CADM2: variants seen among roughly 807,000 people sequenced by gnomAD.
CADM2 encodes the protein immunoglobulin superfamily member 4D.
Under a neutral mutation model 49.8 loss-of-function variants are expected in CADM2, and 12 were observed. The ratio of observed to expected loss-of-function variants is 0.24; its 90% CI spans 0.15 to 0.39. The LOEUF (loss-of-function observed/expected upper bound fraction) is 0.39, where lower values mean the gene tolerates loss of function less well. Among genes scored for constraint, CADM2 ranks in the 10% least tolerant of loss-of-function variants. The probability of loss-of-function intolerance (pLI) is 1.00; values close to 1 mark genes in which losing one functional copy is unlikely to be tolerated. For synonymous variants in CADM2, 214 were observed against 175.4 expected, an observed-to-expected ratio of 1.22 and a Z score of -1.74; for missense variants, 378 against 492.3, an observed-to-expected ratio of 0.77 and a Z score of 2.20.
chr3:85,476,452 G>C (rs956660085), intron 1 of CADM2, among the ~76,000 whole-genome samples: 1 of 151,814 alleles, frequency 6.6e-6, no homozygotes, highest in African/African-American at 2.4e-5. Context: ...ATATAGCAGA[G>C]TGGCAAAGAA....
chr3:85,923,997 G>T (rs1404088124), intron 6 of CADM2, among the ~76,000 whole-genome samples: 2 of 152,036 alleles, frequency 1.3e-5, no homozygotes, highest in Non-Finnish European at 2.9e-5. Flanking sequence ...GGGGATAATT[G>T]ATGAGTTAGT....
chr3:85,663,077 G>A (rs1051477386), intron 1 of CADM2, among the ~76,000 whole-genome samples: 5 of 152,008 alleles, frequency 3.3e-5, no homozygotes, highest in Non-Finnish European at 7.4e-5. Flanking sequence ...CGTAGTGGTA[G>A]GTGGTTCAAG....
At chr3:85,595,382 C>T (rs2063214571) in intron 1 of CADM2, among the ~76,000 whole-genome samples, 1 of 152,006 alleles carries the variant, frequency 6.6e-6, no homozygotes, top group Non-Finnish European at 1.5e-5. Context: ...GCTAGACTGG[C>T]AAAATATGCA....
At chr3:85,594,137 A>G (rs1431506396) in intron 1 of CADM2, among the ~76,000 whole-genome samples, 2 of 151,934 alleles carry the variant, frequency 1.3e-5, no homozygotes, top group African/African-American at 4.8e-5. Flanking sequence ...TTAAAATTAT[A>G]ATCTTTGAAA....
At chr3:85,069,211 A>G (rs1412291912) in intron 1 of CADM2, among the ~76,000 whole-genome samples, 2 of 152,066 alleles carry the variant, frequency 1.3e-5, no homozygotes, top group Non-Finnish European at 2.9e-5. Flanking sequence ...TGATACTGTA[A>G]ATTTAAAGTT....
intron 1 of CADM2, among the ~76,000 whole-genome samples, chr3:85,402,680 G>C (rs1484883964): frequency 5.3e-5 from 8 of 152,108 alleles, no homozygotes; most frequent in Admixed American, 5.2e-4. Flanking sequence ...GGTCACCAGA[G>C]GTCCTCCTCA....
At chr3:85,381,211 AC>A (rs2033885846) in intron 1 of CADM2, among the ~76,000 whole-genome samples, 1 of 152,008 alleles carries the variant, frequency 6.6e-6, no homozygotes, top group Non-Finnish European at 1.5e-5. Context: ...CCGTAGTAAC[AC>A]ATTCTGCAGG....
At chr3:85,098,021 G>C (rs193171037) in intron 1 of CADM2, among the ~76,000 whole-genome samples, 136 of 152,232 alleles carry the variant, frequency 8.9e-4, no homozygotes, top group Non-Finnish European at 1.6e-3. Context: ...TAAATAATTA[G>C]AGAATGAATT....
At chr3:86,063,272 G>A (rs542916969) in intron 8 of CADM2, among the ~76,000 whole-genome samples, 11 of 152,206 alleles carry the variant, frequency 7.2e-5, no homozygotes, top group African/African-American at 1.4e-4. Context: ...CCTCTCCATC[G>A]CATACACAAT....
chr3:85,654,119 T>C (rs780608238), intron 1 of CADM2, among the ~76,000 whole-genome samples: 1 of 152,172 alleles, frequency 6.6e-6, no homozygotes, highest in Non-Finnish European at 1.5e-5. Flanking sequence ...AATTGATGAC[T>C]GGTTGACTAG....
intron 1 of CADM2, among the ~76,000 whole-genome samples, chr3:85,210,423 C>T (rs1204441204): frequency 6.6e-6 from 1 of 151,834 alleles, no homozygotes; most frequent in Non-Finnish European, 1.5e-5. Context: ...GGGATACTGG[C>T]CTGTAGTTTT....
chr3:85,609,946 AT>A (rs369963427), intron 1 of CADM2, among the ~76,000 whole-genome samples: 26 of 151,512 alleles, frequency 1.7e-4, no homozygotes, highest in East Asian at 5.8e-4. Flanking sequence ...GAGGCACTAC[AT>A]TTTTTTTTAA....
At chr3:85,953,959 G>GT (rs1272010270) in intron 7 of CADM2, among the ~76,000 whole-genome samples, 1 of 150,602 alleles carries the variant, frequency 6.6e-6, no homozygotes, top group East Asian at 2.0e-4. Flanking sequence ...CTGAAGTTTT[G>GT]TTTTTTTCTC....
intron 1 of CADM2, among the ~76,000 whole-genome samples, chr3:85,133,949 C>T (rs1173197713): frequency 6.6e-6 from 1 of 152,220 alleles, no homozygotes; most frequent in Non-Finnish European, 1.5e-5. Flanking sequence ...GCACAGGAGC[C>T]CACGGAGGGG....
chr3:85,969,416 A>C (rs1182139732), intron 8 of CADM2, among the ~76,000 whole-genome samples: 1 of 151,416 alleles, frequency 6.6e-6, no homozygotes, highest in African/African-American at 2.4e-5. Flanking sequence ...ATGCACAAGA[A>C]ATGCTGCCAG....
At position 85,148,653 on chromosome 3, in the gene CADM2, A is replaced by G. The variant is rs1185872039; in HGVS notation, c.61+188985A>G. 3.3e-5 allele frequency among the ~76,000 whole-genome samples: 5 copies of G among 152,270 alleles called. No individual in the cohort carries two copies. In the South Asian group the frequency reaches 8.3e-4, roughly 25 times the overall value. ...CTCTGTATAACTTTTGACTCACCCA[A>G]AGCTTAACTAGTAATAGCCTACTGT... On this transcript the variant is annotated intron_variant, in intron 1 of 9. Transcript: ENST00000383699.
intron 1 of CADM2, among the ~76,000 whole-genome samples, chr3:85,091,129 A>G (rs1024642453): frequency 1.3e-5 from 2 of 152,198 alleles, no homozygotes; most frequent in African/African-American, 4.8e-5. Flanking sequence ...TTAAAACATC[A>G]GTTTACAGCT....
chr3:85,784,408 A>AT (rs11380685), intron 2 of CADM2, among the ~76,000 whole-genome samples: 100,493 of 151,920 alleles, frequency 0.66, 33,709 homozygotes, highest in East Asian at 0.77. Flanking sequence ...TGCAGTTGAA[A>AT]TTTTTTAATG....
intron 1 of CADM2, among the ~76,000 whole-genome samples, chr3:85,100,160 GATTTCTTGT>G (rs938454061): frequency 6.6e-6 from 1 of 152,034 alleles, no homozygotes; most frequent in East Asian, 1.9e-4. Context: ...TGGCTTCATG[GATTTCTTGT>G]ATTTCTTTAT....
Sources: gnomAD v4.1 joint callset for allele counts (sites outside exome capture counted in the v4.1 genomes callset) on GRCh38, gnomAD v4.1.1 for gene constraint, MANE v1.5 for transcripts, NCBI Gene and HGNC (gene_info 2026-07-23, HGNC 2026-07-21) for gene names.